CAMTA1: variants seen among roughly 807,000 people sequenced by gnomAD.
CAMTA1 encodes calmodulin-binding transcription activator 1.
A neutral mutation model predicts 170.9 loss-of-function variants in CAMTA1; 27 were observed. The ratio of observed to expected loss-of-function variants is 0.16; its 90% CI spans 0.12 to 0.22. The LOEUF is 0.22. Among genes scored for constraint, CAMTA1 ranks in the 10% least tolerant of loss-of-function variants. CAMTA1 has a pLI of 1.00. For synonymous variants in CAMTA1, 833 were observed against 891.5 expected (o/e 0.93, Z 1.17); for missense variants, 1,619 against 2,217.2 (o/e 0.73, Z 5.42).
intron 19 of CAMTA1, among the ~76,000 whole-genome samples, chr1:7,749,013 C>T (rs1281647917): frequency 1.3e-5 from 2 of 152,114 alleles, no homozygotes; most frequent in Non-Finnish European, 2.9e-5. Flanking sequence ...AGAGAAATTA[C>T]ATGAATATTA....
intron 6 of CAMTA1, among the ~76,000 whole-genome samples, chr1:7,597,595 G>A (rs533397422): frequency 1.3e-5 from 2 of 152,198 alleles, no homozygotes; most frequent in East Asian, 3.9e-4. Context: ...GAGAGAGAGA[G>A]GAGCATGATT....
chr1:6,887,939 C>T lies in CAMTA1; in HGVS notation c.234+62729C>T. On this transcript the variant is annotated intron_variant, in intron 3 of 22. Coordinates refer to ENST00000303635, the MANE Select transcript of CAMTA1 (RefSeq NM_015215.4). This position sits in a 1 kb window ranked among gnomAD's most constrained non-coding sequence, Gnocchi z 4.1. ...GAAGGAGCTCCGCAGCCTGACTGAG[C>T]TCTGGAGAGCAGGGCTCTGTGCACA... is the stretch of plus-strand genomic sequence containing the variant. The T allele has an allele frequency of 7.6e-7, 1 of 1,315,474 alleles. No homozygotes were observed. The highest frequency in any genetic ancestry group is 9.8e-7 in the Non-Finnish European group (1 of 1,024,660). The allele number at this position is 1,315,474 out of a possible 1,614,324, so 81.5% of individuals were successfully genotyped here.
At position 6,886,236 on chromosome 1, in the gene CAMTA1, A is replaced by C. The variant is rs1002571553; in HGVS notation, c.234+61026A>C. On this transcript the variant is annotated intron_variant, in intron 3 of 22. Transcript: ENST00000303635. ...AAGAATAAATACTGTTTTTGTTTAT[A>C]CAGGTCTTAAAATTTTGGTAGCAGA... is the stretch of plus-strand genomic sequence containing the variant. 15 of 455,946 alleles carry C rather than the reference A, an allele frequency of 3.3e-5. 1 individual carries two copies. Among genetic ancestry groups the C allele is most frequent in the Admixed American group, 3.3e-4 (14 of 42,560 alleles). 28.2% of individuals were successfully genotyped at this position (455,946 alleles called of 1,614,324 possible).
chr1:6,833,019 TCAGCAGCAGCAG>T (rs559003171), intron 3 of CAMTA1, among the ~76,000 whole-genome samples: 1 of 151,754 alleles, frequency 6.6e-6, no homozygotes. Flanking sequence ...GTGCAGTGCC[TCAGCAGCAGCAG>T]CAGCAGCAGC....
intron 4 of CAMTA1, among the ~76,000 whole-genome samples, chr1:7,183,950 T>C (rs978616211): frequency 2.0e-5 from 3 of 152,190 alleles, no homozygotes; most frequent in Non-Finnish European, 4.4e-5. Context: ...AATAACTTTA[T>C]CTGCAGTAGC....
At chr1:6,877,821 T>TA (rs1670369812) in intron 3 of CAMTA1, among the ~76,000 whole-genome samples, 2 of 152,194 alleles carry the variant, frequency 1.3e-5, no homozygotes, top group Non-Finnish European at 2.9e-5. Flanking sequence ...CAGAATGACT[T>TA]TTGTCACTCT....
At chr1:7,582,015 C>T (rs991490355) in intron 6 of CAMTA1, among the ~76,000 whole-genome samples, 3 of 152,184 alleles carry the variant, frequency 2.0e-5, no homozygotes, top group Admixed American at 1.3e-4. Flanking sequence ...TCTCTCTGCT[C>T]TTGTTGGCTT....
intron 11 of CAMTA1, chr1:7,693,577 G>A (rs2096342018): frequency 6.6e-6 from 1 of 152,252 alleles, no homozygotes; most frequent in African/African-American, 2.4e-5. Flanking sequence ...CATACTCACA[G>A]TTGCACATTA....
chr1:7,492,596 C>T (rs931375491), intron 6 of CAMTA1, among the ~76,000 whole-genome samples: 6 of 139,392 alleles, frequency 4.3e-5, no homozygotes, highest in Admixed American at 1.5e-4. Context: ...TACACACACG[C>T]GTGCACACAC....
At chr1:7,405,313 T>G (rs2090208633) in intron 5 of CAMTA1, among the ~76,000 whole-genome samples, 1 of 152,172 alleles carries the variant, frequency 6.6e-6, no homozygotes, top group Non-Finnish European at 1.5e-5. Context: ...TCTCTCTCTC[T>G]GATTTCACTA....
intron 11 of CAMTA1, among the ~76,000 whole-genome samples, chr1:7,717,554 T>C (rs745883710): frequency 5.9e-5 from 9 of 152,026 alleles, no homozygotes; most frequent in African/African-American, 9.7e-5. Context: ...GAGATTAGCC[T>C]GGGCAACATA....
chr1:7,178,585 G>A (rs1029340910), intron 4 of CAMTA1, among the ~76,000 whole-genome samples: 1 of 152,172 alleles, frequency 6.6e-6, no homozygotes, highest in Non-Finnish European at 1.5e-5. Context: ...CAAGGGCTGA[G>A]GGCTTTGGTT....
At chr1:7,697,907 C>G (rs1192498946) in intron 11 of CAMTA1, among the ~76,000 whole-genome samples, 2 of 152,192 alleles carry the variant, frequency 1.3e-5, no homozygotes, top group African/African-American at 4.8e-5. Flanking sequence ...CAACCCAAAG[C>G]TGAATGGCTC....
intron 4 of CAMTA1, among the ~76,000 whole-genome samples, chr1:7,097,215 G>T (rs1233978183): frequency 6.6e-6 from 1 of 152,228 alleles, no homozygotes; most frequent in African/African-American, 2.4e-5. Flanking sequence ...CCAGTGGGGT[G>T]GCGGGTTCCC....
intron 3 of CAMTA1, among the ~76,000 whole-genome samples, chr1:6,995,046 T>C (rs1317400151): frequency 6.6e-6 from 1 of 152,204 alleles, no homozygotes; most frequent in Non-Finnish European, 1.5e-5. Flanking sequence ...CAAATTGTTA[T>C]TCTGCCATAT....
intron 6 of CAMTA1, among the ~76,000 whole-genome samples, chr1:7,590,036 AAAG>A (rs929188361): frequency 1.8e-4 from 27 of 152,250 alleles, no homozygotes; most frequent in African/African-American, 6.3e-4. Context: ...CTTGCCCCTG[AAAG>A]AAGAACTTGA....
At chr1:7,174,083 C>A (rs1650241530) in intron 4 of CAMTA1, among the ~76,000 whole-genome samples, 2 of 152,158 alleles carry the variant, frequency 1.3e-5, no homozygotes, top group South Asian at 4.1e-4. Context: ...CCTCACCTCC[C>A]ACCTCCCTCT....
chr1:6,946,947 T>C (rs1687672573), intron 3 of CAMTA1, among the ~76,000 whole-genome samples: 1 of 152,258 alleles, frequency 6.6e-6, no homozygotes, highest in African/African-American at 2.4e-5. Context: ...GCTGTAGCTC[T>C]GACGCTTAGG....
At chr1:7,632,185 G>C (rs1312104559) in intron 6 of CAMTA1, among the ~76,000 whole-genome samples, 4 of 152,218 alleles carry the variant, frequency 2.6e-5, no homozygotes, top group Non-Finnish European at 5.9e-5. Flanking sequence ...TGGGACATTC[G>C]GAATATGTAT....
Sources: gnomAD v4.1 joint callset for allele counts (sites outside exome capture counted in the v4.1 genomes callset) on GRCh38, gnomAD v4.1.1 for gene constraint, Gnocchi (gnomAD v3.1) non-coding constraint, MANE v1.5 for transcripts, NCBI Gene and HGNC (gene_info 2026-07-23, HGNC 2026-07-21) for gene names.